The following MKRN2OS variants were observed in gnomAD, a reference collection of about 807,000 sequenced individuals.
MKRN2OS encodes the protein MKRN2 opposite strand protein.
MKRN2OS carries 17 observed loss-of-function variants against 18.2 expected under a neutral mutation model. The observed-to-expected ratio is 0.93, with a 90% CI of 0.64 to 1.40. MKRN2OS has a LOEUF of 1.40. Ranked by LOEUF, MKRN2OS falls within the 40% of genes most tolerant of loss-of-function variation. The probability of loss-of-function intolerance (pLI) is 0.00; values close to 1 mark genes in which losing one functional copy is unlikely to be tolerated. For synonymous variants in MKRN2OS, 121 were observed against 108.5 expected, an observed-to-expected ratio of 1.12 and a Z score of -0.72; for missense variants, 337 against 283.0, an observed-to-expected ratio of 1.19 and a Z score of -1.37.
chr3:12,551,191 T>A (rs1280461157), downstream of MKRN2OS, among the ~76,000 whole-genome samples: 11 of 129,044 alleles, frequency 8.5e-5, no homozygotes, highest in African/African-American at 3.9e-4. Flanking sequence ...CATTACACTT[T>A]ATTAAAAAAA....
intron 1 of MKRN2OS, among the ~76,000 whole-genome samples, chr3:12,557,474 G>A (rs2057988084): frequency 6.6e-6 from 1 of 152,248 alleles, no homozygotes; most frequent in Admixed American, 6.5e-5. Flanking sequence ...AGGATGCCGG[G>A]GCGCTGTCGG....
chr3:12,556,254 G>A (rs1488452191), intron 1 of MKRN2OS, among the ~76,000 whole-genome samples: 1 of 151,956 alleles, frequency 6.6e-6, no homozygotes, highest in Non-Finnish European at 1.5e-5. Flanking sequence ...AAGGCTGAGA[G>A]GCAGGAGAAT....
At chr3:12,541,724 A>G (rs1424495591) in intron 3 of MKRN2OS, 136 bp downstream of exon 3, 1 of 919,850 alleles carries the variant, frequency 1.1e-6, no homozygotes, top group South Asian at 1.9e-5. Flanking sequence ...AAATTCTGTT[A>G]GAGATGCTAA....
downstream of MKRN2OS, among the ~76,000 whole-genome samples, chr3:12,553,383 A>C: frequency 6.6e-6 from 1 of 152,150 alleles, no homozygotes; most frequent in East Asian, 1.9e-4. Context: ...GTATAATTCA[A>C]TACATTACCA....
intron 1 of MKRN2OS, among the ~76,000 whole-genome samples, chr3:12,544,967 G>T (rs1016904918): frequency 6.6e-6 from 1 of 152,172 alleles, no homozygotes; most frequent in Non-Finnish European, 1.5e-5. Flanking sequence ...CATTTTCCTG[G>T]TTAGCCTCTG....
At chr3:12,557,681 C>T (rs1305650414) in intron 1 of MKRN2OS, among the ~76,000 whole-genome samples, 2 of 152,232 alleles carry the variant, frequency 1.3e-5, no homozygotes, top group Admixed American at 6.5e-5. Flanking sequence ...TGGAAAATAA[C>T]GACAGGTAGC....
chr3:12,552,024 C>CA (rs1303380589), downstream of MKRN2OS, among the ~76,000 whole-genome samples: 2 of 149,968 alleles, frequency 1.3e-5, no homozygotes, highest in Non-Finnish European at 3.0e-5. Flanking sequence ...TGCTCCGATA[C>CA]AAAAAACAAA....
At chr3:12,560,320 C>G (rs1263575877) in intron 1 of MKRN2OS, among the ~76,000 whole-genome samples, 1 of 152,084 alleles carries the variant, frequency 6.6e-6, no homozygotes, top group Non-Finnish European at 1.5e-5. Flanking sequence ...AGTGTCTTCA[C>G]CACCACACTG....
chr3:12,558,900 C>T (rs185965579), intron 1 of MKRN2OS, among the ~76,000 whole-genome samples: 1 of 152,324 alleles, frequency 6.6e-6, no homozygotes, highest in East Asian at 1.9e-4. Context: ...GCAACCAGCG[C>T]TCTTCCACAG....
rs1029679738 is a variant in MKRN2OS at position 12,545,407 on chromosome 3, T to C, written c.58A>G (p.Ile20Val). Reference sequence around the variant, plus strand: ...CACTGGGGCACACTGAAGCTGTAGATGTATTTCTCACAGTGGTTGAATTTA... The same window carrying C: ...CACTGGGGCACACTGAAGCTGTAGACGTATTTCTCACAGTGGTTGAATTTA... The part of the protein sequence containing the change: ...LIKFNHCEKY[I>V]YSFSVPQCCP... Residue 20 changes from isoleucine to valine, a missense_variant, in exon 1 of 4, where the codon ATC becomes GTC. Coordinates refer to ENST00000564146, the MANE Select transcript of MKRN2OS (RefSeq NM_001195279.2). 1.0e-5 allele frequency: 16 copies of C among 1,535,492 alleles called. No homozygotes were observed. The highest frequency in any genetic ancestry group is 2.7e-5 in the African/African-American group (2 of 73,042).
At position 12,543,357 on chromosome 3, in the gene MKRN2OS, C is replaced by T. The variant is rs2057842039; in HGVS notation, c.219-128G>A. ...ATCCCAGCACTTTGGGAGGCCAAGG[C>T]GGGCAGATCACTTGAGGCCAGGAGT... On this transcript the variant is annotated intron_variant, in intron 1 of 3. Transcript: ENST00000564146. 1.0e-5 allele frequency: 7 copies of T among 688,990 alleles called. No individual in the cohort carries two copies. The East Asian group carries it at 1.1e-4, about 11-fold the overall frequency. The allele number at this position is 688,990 out of a possible 1,614,324, so 42.7% of individuals were successfully genotyped here. A position where few individuals can be genotyped will look rare whatever the true frequency, so the allele number is the denominator to read the frequency against.
chr3:12,548,162 T>G, upstream of MKRN2OS, among the ~76,000 whole-genome samples: 1 of 150,152 alleles, frequency 6.7e-6, no homozygotes, highest in East Asian at 2.0e-4. Context: ...TTACAATAAT[T>G]AGCCGGTCGG....
At chr3:12,560,047 T>G (rs1424129288) in intron 1 of MKRN2OS, among the ~76,000 whole-genome samples, 1 of 152,190 alleles carries the variant, frequency 6.6e-6, no homozygotes, top group Non-Finnish European at 1.5e-5. Context: ...TGGTACCACC[T>G]GTGCAACAAC....
At chr3:12,551,444 A>G (rs142148855), downstream of MKRN2OS, among the ~76,000 whole-genome samples, 674 of 152,094 alleles carry the variant, frequency 4.4e-3, 2 homozygotes, top group African/African-American at 0.016. Context: ...GTGGTGAGCC[A>G]AGATTGTGCC....
At chr3:12,558,014 G>C (rs1322325592) in intron 1 of MKRN2OS, among the ~76,000 whole-genome samples, 1 of 152,210 alleles carries the variant, frequency 6.6e-6, no homozygotes, top group East Asian at 1.9e-4. Context: ...TAGTCCTATT[G>C]AATTGTATGT....
downstream of MKRN2OS, among the ~76,000 whole-genome samples, chr3:12,550,540 C>T (rs2057922125): frequency 6.6e-6 from 1 of 152,114 alleles, no homozygotes; most frequent in African/African-American, 2.4e-5. Flanking sequence ...TAGCAAGACC[C>T]CATCTCTACA....
rs111958878 is a variant in MKRN2OS at position 12,543,248 on chromosome 3, G to GTT, written c.219-21_219-20dup. 1,179 of 1,496,296 alleles carry GTT rather than the reference G, an allele frequency of 7.9e-4. No homozygotes were observed. The highest frequency in any genetic ancestry group is 5.0e-3 in the African/African-American group (357 of 71,320). The allele number at this position is 1,496,296 out of a possible 1,614,324, so 92.7% of individuals were successfully genotyped here. On this transcript the variant is annotated intron_variant, in intron 1 of 3. Coordinates refer to ENST00000564146, the MANE Select transcript of MKRN2OS (RefSeq NM_001195279.2). ...ATACTCTCTGAAAGAAACAAGGTTT[G>GTT]TTTTTTTTTGGTTTGCATGTATTTG...
downstream of MKRN2OS, among the ~76,000 whole-genome samples, chr3:12,553,518 G>C (rs1451071912): frequency 2.0e-5 from 3 of 151,774 alleles, no homozygotes; most frequent in African/African-American, 7.3e-5. Flanking sequence ...TTTGGCAATG[G>C]ATAGCCTAAA....
intron 1 of MKRN2OS, among the ~76,000 whole-genome samples, chr3:12,554,797 G>A (rs1268532314): frequency 5.9e-5 from 9 of 152,094 alleles, no homozygotes; most frequent in Admixed American, 5.2e-4. Context: ...ATTTACTTGT[G>A]TATATTTAAA....
Sources: allele counts gnomAD v4.1 joint callset (sites outside exome capture counted in the v4.1 genomes callset), GRCh38; gene constraint gnomAD v4.1.1; transcripts MANE v1.5; gene names NCBI Gene and HGNC (gene_info 2026-07-23, HGNC 2026-07-21).